NCBP1: variants seen among roughly 807,000 people sequenced by gnomAD.
NCBP1 encodes nuclear cap binding protein subunit 1, also known as nuclear cap-binding protein subunit 1.
NCBP1 carries 16 observed loss-of-function variants against 111.7 expected under a neutral mutation model. The observed-to-expected ratio is 0.14, with a 90% CI of 0.10 to 0.22. The LOEUF is 0.22. Among genes scored for constraint, NCBP1 ranks in the 10% least tolerant of loss-of-function variants. The pLI, the probability that NCBP1 is intolerant of heterozygous loss-of-function variation, is 1.00. For missense variants in NCBP1, 607 were observed against 957.5 expected (o/e 0.63, Z 4.83); for synonymous variants, 304 against 314.3 (o/e 0.97, Z 0.35).
chr9:97,667,143 C>A (rs1828030495), intron 20 of NCBP1, among the ~76,000 whole-genome samples: 1 of 152,144 alleles, frequency 6.6e-6, no homozygotes, highest in Non-Finnish European at 1.5e-5. Context: ...GGGTCGGCCT[C>A]ACGTTTGCAC....
At chr9:97,647,619 A>T (rs1827382594) in intron 7 of NCBP1, 58 bp downstream of exon 7, 1 of 1,392,058 alleles carries the variant, frequency 7.2e-7, no homozygotes, top group Non-Finnish European at 1.0e-6. Context: ...ATAGATTCTT[A>T]TCTCTGTAAG....
At position 97,673,210 on chromosome 9, in the gene NCBP1, T is replaced by C. The variant is rs1455087158; in HGVS notation, c.*2011T>C. The C allele has an allele frequency of 1.3e-5, 2 of 152,198 alleles. No individual in the cohort carries two copies. Among genetic ancestry groups the C allele is most frequent in the African/African-American group, 2.4e-5 (1 of 41,442 alleles). The allele number at this position is 152,198 out of a possible 1,614,324, so 9.4% of individuals were successfully genotyped here. On this transcript the variant is annotated 3_prime_UTR_variant, in exon 23 of 23. Transcript: ENST00000375147. ...TTATTGGTAAGTCAGCAGTGGGCTA[T>C]TGGTGGTTAAGTTTTGGGGGAGTCA...
At chr9:97,656,505 G>T (rs73498362) in intron 14 of NCBP1, among the ~76,000 whole-genome samples, 17,932 of 152,046 alleles carry the variant, frequency 0.12, 2,996 homozygotes, top group African/African-American at 0.37. Flanking sequence ...GAGCCAAGAT[G>T]GCGCCACTGC....
At chr9:97,661,146 A>G (rs1360613318) in intron 16 of NCBP1, 78 bp downstream of exon 16, 1 of 1,563,386 alleles carries the variant, frequency 6.4e-7, no homozygotes. Flanking sequence ...TGGCAACATG[A>G]TGCTCTTAAA....
At chr9:97,652,614 C>T (rs927448426) in intron 10 of NCBP1, among the ~76,000 whole-genome samples, 18 of 151,968 alleles carry the variant, frequency 1.2e-4, no homozygotes, top group African/African-American at 3.9e-4. Context: ...AGTGAGAGTC[C>T]GTCTCAAAAT....
At position 97,636,320 on chromosome 9, in the gene NCBP1, G is replaced by C. The variant is rs373568237; in HGVS notation, c.34+2405G>C. Among the ~76,000 whole-genome samples, 55 of 151,494 alleles carry C rather than the reference G, an allele frequency of 3.6e-4. 3 individuals carry two copies. The South Asian group carries it at 0.011, about 32-fold the overall frequency. ...ATTATAGAAGGCTATTTTAAAATAG[G>C]GTAGGAATTATTACAGTCAGAATTA... On this transcript the variant is annotated intron_variant, in intron 1 of 22. Transcript: ENST00000375147.
chr9:97,657,880 G>A (rs115243721), intron 14 of NCBP1, among the ~76,000 whole-genome samples: 13,279 of 135,990 alleles, frequency 0.098, 2,174 homozygotes, highest in African/African-American at 0.35. Context: ...GAGGAGCCCC[G>A]GTAAGCTCTC....
chr9:97,651,417 T>C, intron 10 of NCBP1, 44 bp downstream of exon 10: 2 of 1,545,574 alleles, frequency 1.3e-6, no homozygotes, highest in Non-Finnish European at 1.8e-6. Context: ...TCAGAATCTT[T>C]CTGTTGGCTT....
rs554774867 is a variant in NCBP1 at position 97,653,599 on chromosome 9, TAGAG to T, written c.1060-195_1060-192del. On this transcript the variant is annotated intron_variant, in intron 10 of 22. Transcript: ENST00000375147. ...CGTGTGTTTTTATTTGATCGAATTA[TAGAG>T]AGAAGAAATTTTCATTACAGTTTTC... 3.3e-5 allele frequency among the ~76,000 whole-genome samples: 5 copies of T among 152,236 alleles called. No homozygotes were observed. In the East Asian group the frequency reaches 5.8e-4, roughly 18 times the overall value.
In NCBP1 at chr9:97,673,523, TGTG is replaced by T. The variant is rs1456937108; in HGVS notation, c.*2327_*2329del. On this transcript the variant is annotated 3_prime_UTR_variant, in exon 23 of 23. Coordinates refer to ENST00000375147, the MANE Select transcript of NCBP1 (RefSeq NM_002486.5). The stretch of plus-strand genomic sequence containing the variant: ...GTTGCTTTTAACAGCTGTTCGCTGA[TGTG>T]GTCCTGCTCTGTCCCAGTCTAGCAG... 2.0e-5 allele frequency: 3 copies of T among 152,214 alleles called. No individual in the cohort carries two copies. Among genetic ancestry groups the T allele is most frequent in the African/African-American group, 7.2e-5 (3 of 41,452 alleles). 9.4% of individuals were successfully genotyped at this position (152,214 alleles called of 1,614,324 possible). A position where few individuals can be genotyped will look rare whatever the true frequency, so the allele number is the denominator to read the frequency against.
intron 18 of NCBP1, among the ~76,000 whole-genome samples, chr9:97,663,610 G>T (rs184993673): frequency 1.7e-4 from 26 of 151,728 alleles, no homozygotes; most frequent in African/African-American, 6.0e-4. Context: ...TCAGCCTCCC[G>T]AGTAGCTGGG....
chr9:97,642,931 T>C (rs1026990968), intron 3 of NCBP1, among the ~76,000 whole-genome samples: 2 of 152,176 alleles, frequency 1.3e-5, no homozygotes, highest in African/African-American at 4.8e-5. Flanking sequence ...AAAACTGTTG[T>C]AGCATTAGTT....
At chr9:97,646,725 T>A (rs921756849) in intron 6 of NCBP1, among the ~76,000 whole-genome samples, 1 of 151,032 alleles carries the variant, frequency 6.6e-6, no homozygotes, top group African/African-American at 2.4e-5. Flanking sequence ...TAATCCCAGC[T>A]ACTCGGGAGG....
At chr9:97,657,124 G>C (rs533276240) in intron 14 of NCBP1, among the ~76,000 whole-genome samples, 2 of 152,090 alleles carry the variant, frequency 1.3e-5, no homozygotes, top group African/African-American at 4.8e-5. Context: ...CCGCCACCAC[G>C]CCTGGCTAAT....
chr9:97,664,285 A>G (rs1827927730), intron 18 of NCBP1, 55 bp from the exon 19 acceptor site: 2 of 1,141,448 alleles, frequency 1.8e-6, no homozygotes, highest in Non-Finnish European at 2.6e-6. Context: ...GGTGGCACAT[A>G]TATATGTGTG....
Position 97,634,109 on chromosome 9 carries a change from C to T in NCBP1, c.34+194C>T, listed in dbSNP as rs113719820. ...AAGCGACTTCTCCCCCGCCCCAGTT[C>T]TTTGAGTCAAGGGCCGATCCTCGGG... On this transcript the variant is annotated intron_variant, in intron 1 of 22. Coordinates refer to ENST00000375147, the MANE Select transcript of NCBP1 (RefSeq NM_002486.5). Among the ~76,000 whole-genome samples the T allele has an allele frequency of 9.3e-3, 1,420 of 152,354 alleles. 14 individuals carry two copies. Among genetic ancestry groups the T allele is most frequent in the Middle Eastern group, 0.037 (11 of 294 alleles).
intron 5 of NCBP1, 26 bp downstream of exon 5, chr9:97,645,250 T>C (rs1564019619): frequency 6.6e-7 from 1 of 1,523,038 alleles, no homozygotes. Flanking sequence ...ATGCTGAATC[T>C]TGAGGGGTTC....
At chr9:97,651,207 G>A in intron 9 of NCBP1, 103 bp from the exon 10 acceptor site, 2 of 827,364 alleles carry the variant, frequency 2.4e-6, no homozygotes, top group Non-Finnish European at 3.6e-6. Context: ...TTTCAAAAAA[G>A]ATTTTTCTTT....
chr9:97,643,086 C>T, intron 3 of NCBP1, 118 bp from the exon 4 acceptor site: 9 of 989,210 alleles, frequency 9.1e-6, no homozygotes, highest in Non-Finnish European at 1.3e-5. Flanking sequence ...TTTTTAAAGA[C>T]ATAGCTAAAA....
Sources: gnomAD v4.1 joint callset for allele counts (sites outside exome capture counted in the v4.1 genomes callset) on GRCh38, gnomAD v4.1.1 for gene constraint, MANE v1.5 for transcripts, NCBI Gene and HGNC (gene_info 2026-07-23, HGNC 2026-07-21) for gene names.